ARHGAP5: variants seen among roughly 807,000 people sequenced by gnomAD.
ARHGAP5 encodes Rho GTPase activating protein 5.
In ARHGAP5, 23 loss-of-function variants were observed where a neutral mutation model predicts 116.6. That is an observed-to-expected ratio of 0.20 (90% CI 0.14 to 0.28). The LOEUF (loss-of-function observed/expected upper bound fraction) is 0.28. ARHGAP5 is among the 10% of genes least tolerant of loss of function. The pLI, the probability that ARHGAP5 is intolerant of heterozygous loss-of-function variation, is 1.00. For missense variants in ARHGAP5, 1,405 were observed against 1,774.8 expected, an observed-to-expected ratio of 0.79 and a Z score of 3.74; for synonymous variants, 574 against 602.0, an observed-to-expected ratio of 0.95 and a Z score of 0.68.
At position 32,154,813 on chromosome 14, in the gene ARHGAP5, A is replaced by G; in HGVS notation, c.4374A>G (p.Thr1458=). Residue 1458 remains threonine (T), a synonymous_variant, in exon 7 of 7, where the codon ACA becomes ACG. Transcript: ENST00000345122. ...FFYNGEIVET[T]NIVAPPPPSN... ...ACAATGGAGAAATTGTAGAAACGACAAACATTGTGGCTCCTCCACCACCTT... is the reference window on the plus strand; with the variant it reads ...ACAATGGAGAAATTGTAGAAACGACGAACATTGTGGCTCCTCCACCACCTT... The G allele has an allele frequency of 6.2e-7, 1 of 1,614,168 alleles. No homozygotes were observed. The highest frequency in any genetic ancestry group is 8.5e-7 in the Non-Finnish European group (1 of 1,180,004).
chr14:32,085,001 T>C (rs1487482815), intron 1 of ARHGAP5, among the ~76,000 whole-genome samples: 1 of 151,908 alleles, frequency 6.6e-6, no homozygotes, highest in African/African-American at 2.4e-5. Flanking sequence ...AGTGACACCC[T>C]ATTTAAAAAA....
chr14:32,114,134 A>T (rs994390331), intron 2 of ARHGAP5, among the ~76,000 whole-genome samples: 3 of 152,074 alleles, frequency 2.0e-5, no homozygotes, highest in Admixed American at 1.3e-4. Flanking sequence ...AGGCTGAGGC[A>T]GGAGAATGGC....
chr14:32,093,582 C>T lies in ARHGAP5; in HGVS notation c.2913C>T (p.Asp971=), dbSNP rs61739174. 4,273 of 1,613,986 alleles carry T rather than the reference C, an allele frequency of 2.6e-3. 98 individuals are homozygous for T. In the African/African-American group the frequency reaches 0.047, roughly 18 times the overall value. ...SEDVFLPSPR[D]CFPYNNYPDS... ...ATGTTTTTCTACCATCTCCCAGAGA[C>T]TGTTTTCCCTATAATAACTACCCTG... Residue 971 remains aspartate, a synonymous_variant, in exon 2 of 7, where the codon GAC becomes GAT. Transcript: ENST00000345122.
Position 32,154,634 on chromosome 14 carries a change from C to T in ARHGAP5, c.4195C>T (p.His1399Tyr). ...ITHLNRVSQQ[H>Y]KINLMTADNL... ...TCATAATTTCAGGGTTAGTCAGCAA[C>T]ATAAAATCAACCTAATGACAGCAGA... Residue 1399 changes from histidine to tyrosine, a missense_variant, in exon 7 of 7, where the codon CAT becomes TAT. This residue lies in a region of ARHGAP5 where 176 missense variants were observed against 221.2 expected (regional missense o/e 0.80). Coordinates refer to ENST00000345122, the MANE Select transcript of ARHGAP5 (RefSeq NM_001030055.2). 6.2e-7 allele frequency: 1 copy of T among 1,605,828 alleles called. No homozygotes were observed. The highest frequency in any genetic ancestry group is 1.7e-4 in the Middle Eastern group (1 of 6,024).
At chr14:32,097,639 A>G (rs1002308089) in intron 2 of ARHGAP5, among the ~76,000 whole-genome samples, 2 of 152,186 alleles carry the variant, frequency 1.3e-5, no homozygotes, top group Non-Finnish European at 2.9e-5. Flanking sequence ...AGAAAAAGAA[A>G]AGCATGAGTG....
intron 6 of ARHGAP5, among the ~76,000 whole-genome samples, chr14:32,153,152 T>A (rs1277527851): frequency 6.6e-6 from 1 of 151,084 alleles, no homozygotes; most frequent in East Asian, 2.0e-4. Context: ...AGCTTACTTT[T>A]TACTAGCAAT....
Position 32,125,554 on chromosome 14 carries a change from A to G in ARHGAP5, c.3865+8267A>G, listed in dbSNP as rs184001026. Among the ~76,000 whole-genome samples, 53 of 152,328 alleles carry G rather than the reference A, an allele frequency of 3.5e-4. 1 individual carries two copies. In the East Asian group the frequency reaches 4.4e-3, roughly 13 times the overall value. Reference sequence around the variant, plus strand: ...TGTTTAACTTCTTGAGGAACTGTCAAATTGTTTCCACAGTGGATGCACCAT... The same window carrying G: ...TGTTTAACTTCTTGAGGAACTGTCAGATTGTTTCCACAGTGGATGCACCAT... On this transcript the variant is annotated intron_variant, in intron 3 of 6. Transcript: ENST00000345122.
At chr14:32,095,561 G>A (rs1374547548) in intron 2 of ARHGAP5, among the ~76,000 whole-genome samples, 1 of 151,910 alleles carries the variant, frequency 6.6e-6, no homozygotes, top group Non-Finnish European at 1.5e-5. Flanking sequence ...TTACAAGCAT[G>A]TGCCACCATG....
chr14:32,111,576 A>T (rs1051598692), intron 2 of ARHGAP5, among the ~76,000 whole-genome samples: 1 of 152,194 alleles, frequency 6.6e-6, no homozygotes, highest in African/African-American at 2.4e-5. Context: ...TCTATAGATT[A>T]TTTGTATATA....
intron 1 of ARHGAP5, among the ~76,000 whole-genome samples, chr14:32,078,845 G>GT (rs2041742536): frequency 6.6e-6 from 1 of 152,138 alleles, no homozygotes; most frequent in Non-Finnish European, 1.5e-5. Context: ...GTCAATTCTA[G>GT]TTTATTTGTA....
At chr14:32,118,540 T>C (rs1879721605) in intron 3 of ARHGAP5, among the ~76,000 whole-genome samples, 2 of 152,272 alleles carry the variant, frequency 1.3e-5, no homozygotes, top group African/African-American at 4.8e-5. Flanking sequence ...ACTAGCTTTG[T>C]AGTTGAAATG....
chr14:32,095,093 T>C (rs1305404792), intron 2 of ARHGAP5, among the ~76,000 whole-genome samples: 1 of 152,252 alleles, frequency 6.6e-6, no homozygotes, highest in East Asian at 1.9e-4. Context: ...GCACACAAAC[T>C]TGTATTTAAG....
intron 2 of ARHGAP5, among the ~76,000 whole-genome samples, chr14:32,095,403 T>C (rs977696086): frequency 7.0e-6 from 1 of 142,994 alleles, no homozygotes; most frequent in African/African-American, 2.9e-5. Context: ...TAAACTTTGT[T>C]TTTTTTTTTT....
rs71441705 is a variant in ARHGAP5, at chr14:32,131,252, CTT to C, written c.3865+13981_3865+13982del. Among the ~76,000 whole-genome samples, 384 of 103,866 alleles carry C rather than the reference CTT, an allele frequency of 3.7e-3. 1 individual carries two copies. Among genetic ancestry groups the C allele is most frequent in the African/African-American group, 0.011 (349 of 30,374 alleles). 68.1% of individuals were successfully genotyped at this position (103,866 alleles called of 152,430 possible). On this transcript the variant is annotated intron_variant, in intron 3 of 6. Coordinates refer to ENST00000345122, the MANE Select transcript of ARHGAP5 (RefSeq NM_001030055.2). ...ATGTATTACTTTTCTTGTCATACTT[CTT>C]TTTTTTTTTTTTTTTAGGTTTGTCT... is the stretch of plus-strand genomic sequence containing the variant.
chr14:32,109,978 T>C (rs942797656), intron 2 of ARHGAP5, among the ~76,000 whole-genome samples: 2 of 152,178 alleles, frequency 1.3e-5, no homozygotes, highest in African/African-American at 2.4e-5. Flanking sequence ...CAGCATGATA[T>C]GCCCTTAACT....
In ARHGAP5 at chr14:32,093,150, G is replaced by A; in HGVS notation, c.2481G>A (p.Arg827=). 3 of 1,613,914 alleles carry A rather than the reference G, an allele frequency of 1.9e-6. No homozygotes were observed. Among genetic ancestry groups the A allele is most frequent in the Non-Finnish European group, 2.5e-6 (3 of 1,179,920 alleles). ...MLDKIIGEKR[R]RIQITILSYH... is the part of the protein sequence containing the mutation. ...ATAAAATCATTGGTGAAAAAAGGAG[G>A]CGAATACAGATCACAATATTATCAT... Residue 827 remains arginine (R), a synonymous_variant, in exon 2 of 7, where the codon AGG becomes AGA. Coordinates refer to ENST00000345122, the MANE Select transcript of ARHGAP5 (RefSeq NM_001030055.2).
Position 32,159,246 on chromosome 14 carries a change from C to G in ARHGAP5, c.*4298C>G, listed in dbSNP as rs1284154888. On this transcript the variant is annotated 3_prime_UTR_variant, in exon 7 of 7. Transcript: ENST00000345122. ...AGTATTAAGACCTGCAGTATATGCA[C>G]TTTTTGAGTAGCTGTCAAATAATTG... 1 of 152,106 alleles carries G rather than the reference C, an allele frequency of 6.6e-6. No homozygotes were observed. The highest frequency in any genetic ancestry group is 1.5e-5 in the Non-Finnish European group (1 of 67,988). 9.4% of individuals were successfully genotyped at this position (152,106 alleles called of 1,614,324 possible).
At chr14:32,129,237 ATAT>A (rs1273517397) in intron 3 of ARHGAP5, among the ~76,000 whole-genome samples, 1 of 152,162 alleles carries the variant, frequency 6.6e-6, no homozygotes, top group Non-Finnish European at 1.5e-5. Context: ...GCTTTGTGAC[ATAT>A]TATTGGCTAC....
intron 2 of ARHGAP5, among the ~76,000 whole-genome samples, chr14:32,101,965 A>G (rs1363659752): frequency 1.3e-5 from 2 of 152,208 alleles, no homozygotes; most frequent in Non-Finnish European, 2.9e-5. Context: ...CCTGGGCGAC[A>G]GAGCGAGACT....
Sources: allele counts gnomAD v4.1 joint callset (sites outside exome capture counted in the v4.1 genomes callset), GRCh38; gene constraint gnomAD v4.1.1; regional missense constraint gnomAD v4.1.1; transcripts MANE v1.5; gene names NCBI Gene and HGNC (gene_info 2026-07-23, HGNC 2026-07-21).